Variants in STXBP4 observed in about 807,000 individuals in gnomAD.
STXBP4 encodes the protein syntaxin-binding protein 4.
A neutral mutation model predicts 76.1 loss-of-function variants in STXBP4; 55 were observed. The ratio of observed to expected loss-of-function variants is 0.72; its 90% CI spans 0.58 to 0.91. The LOEUF (loss-of-function observed/expected upper bound fraction) is 0.91. Ranked by LOEUF, STXBP4 falls within the 40% of genes least tolerant of loss-of-function variation. STXBP4 has a pLI of 0.00. For synonymous variants in STXBP4, 201 were observed against 220.2 expected, an observed-to-expected ratio of 0.91 and a Z score of 0.77; for missense variants, 618 against 636.9, an observed-to-expected ratio of 0.97 and a Z score of 0.32.
At chr17:55,191,625 C>G in the STXBP4 span, among the ~76,000 whole-genome samples, 1 of 152,146 alleles carries the variant, frequency 6.6e-6, no homozygotes, top group Admixed American at 6.6e-5. Flanking sequence ...CTGCATCTAC[C>G]TCAGTCTCTG....
At chr17:54,998,420 T>A (rs779186043) in intron 4 of STXBP4, among the ~76,000 whole-genome samples, 1 of 152,210 alleles carries the variant, frequency 6.6e-6, no homozygotes, top group Non-Finnish European at 1.5e-5. Context: ...ATTTTCTAGT[T>A]TGAATGAAAA....
At chr17:55,180,941 C>T in the STXBP4 span, among the ~76,000 whole-genome samples, 2 of 152,226 alleles carry the variant, frequency 1.3e-5, no homozygotes, top group South Asian at 4.1e-4. Context: ...CTTCATCCTA[C>T]ATCATGTCAA....
chr17:55,149,084 A>G (rs912834709), intron 17 of STXBP4, among the ~76,000 whole-genome samples: 2 of 152,216 alleles, frequency 1.3e-5, no homozygotes, highest in African/African-American at 2.4e-5. Flanking sequence ...GGCTACAATG[A>G]AGAAACCAAC....
intron 17 of STXBP4, 102 bp from the exon 18 acceptor site, chr17:55,159,695 G>A: frequency 1.5e-6 from 1 of 658,878 alleles, no homozygotes; most frequent in Non-Finnish European, 2.6e-6. Flanking sequence ...CCTATCACAG[G>A]GACTTTACTA....
At chr17:55,053,925 T>C (rs1268066218) in intron 12 of STXBP4, among the ~76,000 whole-genome samples, 1 of 152,160 alleles carries the variant, frequency 6.6e-6, no homozygotes, top group Non-Finnish European at 1.5e-5. Flanking sequence ...ATATCAGCCA[T>C]GATTGATAAA....
intron 16 of STXBP4, among the ~76,000 whole-genome samples, chr17:55,116,656 A>G (rs1221341637): frequency 2.3e-5 from 2 of 86,102 alleles, no homozygotes; most frequent in Admixed American, 9.6e-5. Context: ...GGATAATTAT[A>G]TGCAGTTATA....
intron 16 of STXBP4, among the ~76,000 whole-genome samples, chr17:55,088,351 T>C (rs948517029): frequency 6.6e-6 from 1 of 152,230 alleles, no homozygotes; most frequent in Non-Finnish European, 1.5e-5. Flanking sequence ...CTATGGGATT[T>C]TCTCAGAAAG....
In STXBP4 at chr17:55,021,977, C is replaced by G. The variant is rs1379810037; in HGVS notation, c.667-9191C>G. Among the ~76,000 whole-genome samples the G allele has an allele frequency of 2.6e-5, 4 of 151,950 alleles. No homozygotes were observed. The East Asian group carries it at 7.7e-4, about 29-fold the overall frequency. On this transcript the variant is annotated intron_variant, in intron 8 of 17. Transcript: ENST00000376352. ...ACAAAGATGTATGTGGAAGGCTGTT[C>G]ACAGTGGCATTGTTTATATTAGTGA...
At chr17:55,028,412 T>C (rs1359094471) in intron 8 of STXBP4, among the ~76,000 whole-genome samples, 1 of 152,180 alleles carries the variant, frequency 6.6e-6, no homozygotes, top group African/African-American at 2.4e-5. Flanking sequence ...ATTAACACTA[T>C]AGTGTGACAA....
intron 17 of STXBP4, among the ~76,000 whole-genome samples, chr17:55,150,291 C>G (rs1306311874): frequency 6.6e-6 from 1 of 152,178 alleles, no homozygotes; most frequent in East Asian, 1.9e-4. Context: ...TGGTGAGACT[C>G]TCTTCCTGGC....
intron 16 of STXBP4, among the ~76,000 whole-genome samples, chr17:55,110,155 A>G (rs1393635480): frequency 6.6e-6 from 1 of 152,158 alleles, no homozygotes; most frequent in Non-Finnish European, 1.5e-5. Flanking sequence ...AGCAGTGGTC[A>G]GTCAAGCCCT....
intron 16 of STXBP4, among the ~76,000 whole-genome samples, chr17:55,088,753 ATCT>A (rs1421959954): frequency 2.0e-5 from 3 of 152,120 alleles, no homozygotes; most frequent in Non-Finnish European, 4.4e-5. Flanking sequence ...TCTGATGAAA[ATCT>A]TCTTCCCAGA....
At chr17:55,084,046 G>A (rs1435146043) in intron 16 of STXBP4, among the ~76,000 whole-genome samples, 1 of 152,100 alleles carries the variant, frequency 6.6e-6, no homozygotes, top group Non-Finnish European at 1.5e-5. Flanking sequence ...GATCCCTGAG[G>A]AATCGCCACA....
intron 12 of STXBP4, among the ~76,000 whole-genome samples, chr17:55,061,172 T>C (rs2078989547): frequency 6.6e-6 from 1 of 152,200 alleles, no homozygotes; most frequent in Admixed American, 6.5e-5. Context: ...CTAGTGCAGC[T>C]GACATGTGAG....
rs1454793110 is a variant in STXBP4 at position 54,986,263 on chromosome 17, A to C, written c.44A>C (p.Glu15Ala). 6.3e-7 allele frequency: 1 copy of C among 1,585,652 alleles called. No individual in the cohort carries two copies. The highest frequency in any genetic ancestry group is 1.8e-5 in the Admixed American group (1 of 56,138). The part of the protein sequence containing the change: ...TSTVVSPSLL[E>A]KDPAFQMITI... ...ACTGTAGTATCACCCAGTCTACTTG[A>C]AAAGTAATTTTTAAGTTTAATATGT... The change falls in exon 3 of 18, where the codon GAA (glutamate) becomes GCA (alanine). Residue 15 changes from glutamate to alanine, a missense_variant. Physicochemically the swap from Glu to Ala is moderately radical, Grantham distance 107. Coordinates refer to ENST00000376352, the MANE Select transcript of STXBP4 (RefSeq NM_178509.6).
At chr17:54,968,993 C>A (rs1178101303) in intron 1 of STXBP4, among the ~76,000 whole-genome samples, 178 bp downstream of exon 1, 2 of 152,210 alleles carry the variant, frequency 1.3e-5, no homozygotes, top group Non-Finnish European at 2.9e-5. Context: ...GCAGCCCCGG[C>A]GACGCTCTCC....
At chr17:55,185,326 T>TCTCCTTCTCCTTCTCCTTCTC in the STXBP4 span, among the ~76,000 whole-genome samples, 2 of 74,642 alleles carry the variant, frequency 2.7e-5, no homozygotes, top group Admixed American at 2.6e-4. Flanking sequence ...TCCTTCTCCT[T>TCTCCTTCTCCTTCTCCTTCTC]CTCCTCCTCC....
chr17:55,089,228 G>A (rs1362534118), intron 16 of STXBP4, among the ~76,000 whole-genome samples: 1 of 152,134 alleles, frequency 6.6e-6, no homozygotes, highest in Non-Finnish European at 1.5e-5. Context: ...CCACTGCCAT[G>A]ACTACTGCTG....
At chr17:55,211,757 C>T in the STXBP4 span, among the ~76,000 whole-genome samples, 2 of 149,676 alleles carry the variant, frequency 1.3e-5, no homozygotes, top group African/African-American at 2.5e-5. Context: ...TCATGCTGAA[C>T]CTACAAATTA....
Sources: allele counts gnomAD v4.1 joint callset (sites outside exome capture counted in the v4.1 genomes callset), GRCh38; gene constraint gnomAD v4.1.1; transcripts MANE v1.5; gene names NCBI Gene and HGNC (gene_info 2026-07-23, HGNC 2026-07-21).